Variants in LPP observed in about 807,000 individuals in gnomAD.
The protein encoded by LPP is LIM domain containing preferred translocation partner in lipoma.
A neutral mutation model predicts 60.4 loss-of-function variants in LPP; 38 were observed. The observed-to-expected ratio is 0.63, with a 90% CI of 0.49 to 0.83. The LOEUF (loss-of-function observed/expected upper bound fraction) is 0.83, where lower values mean the gene tolerates loss of function less well. LPP is among the 40% of genes least tolerant of loss of function. The pLI, the probability that LPP is intolerant of heterozygous loss-of-function variation, is 0.00. For synonymous variants in LPP, 328 were observed against 290.8 expected (o/e 1.13, Z -1.30); for missense variants, 902 against 783.6 (o/e 1.15, Z -1.80).
intron 4 of LPP, 36 bp downstream of exon 4, chr3:188,406,349 T>A (rs1474275062): frequency 6.3e-7 from 1 of 1,579,260 alleles, no homozygotes. Flanking sequence ...TTACTTGGAG[T>A]AGGAAAATTC....
chr3:188,355,699 A>G (rs1240372317), intron 3 of LPP, among the ~76,000 whole-genome samples: 1 of 152,240 alleles, frequency 6.6e-6, no homozygotes, highest in Non-Finnish European at 1.5e-5. Flanking sequence ...ATTTACAGTA[A>G]TGAATCAAAA....
intron 8 of LPP, among the ~76,000 whole-genome samples, chr3:188,736,231 TAAAAC>T (rs1318006592): frequency 6.6e-6 from 1 of 152,128 alleles, no homozygotes; most frequent in East Asian, 1.9e-4. Flanking sequence ...CAATAAATTT[TAAAAC>T]AAAAATTTTA....
intron 10 of LPP, among the ~76,000 whole-genome samples, chr3:188,871,023 G>A (rs1767967920): frequency 6.6e-6 from 1 of 152,076 alleles, no homozygotes; most frequent in African/African-American, 2.4e-5. Flanking sequence ...GAGACTCAGA[G>A]ATGGAGCAAA....
intron 5 of LPP, among the ~76,000 whole-genome samples, chr3:188,492,615 G>C (rs1046608363): frequency 1.3e-5 from 2 of 152,124 alleles, no homozygotes; most frequent in African/African-American, 4.8e-5. Flanking sequence ...AGAATTGCTT[G>C]AACCCAGTAG....
Position 188,301,491 on chromosome 3 carries a change from T to C in LPP, c.-66-40172T>C, listed in dbSNP as rs552020360. Among the ~76,000 whole-genome samples, 38 of 152,324 alleles carry C rather than the reference T, an allele frequency of 2.5e-4. 1 individual carries two copies. The highest frequency in any genetic ancestry group is 2.9e-5 in the Non-Finnish European group (2 of 68,030). ...GAGACTGTTATTTTAAGGAATGTTT[T>C]GCTAAGAATCAGTTGCCAGGACATA... On this transcript the variant is annotated intron_variant, in intron 2 of 11. Transcript: ENST00000617246.
intron 2 of LPP, among the ~76,000 whole-genome samples, chr3:188,309,209 T>A (rs753746179): frequency 1.3e-5 from 2 of 151,894 alleles, no homozygotes; most frequent in African/African-American, 4.8e-5. Context: ...TTAGCAGAGA[T>A]GGGGTTTCAC....
At chr3:188,374,982 T>C (rs1419895822) in intron 3 of LPP, among the ~76,000 whole-genome samples, 1 of 152,174 alleles carries the variant, frequency 6.6e-6, no homozygotes, top group East Asian at 1.9e-4. Flanking sequence ...TTTTTGTCTT[T>C]GGTTCTGTTT....
chr3:188,427,986 C>T (rs745792770), intron 4 of LPP, among the ~76,000 whole-genome samples: 30 of 152,210 alleles, frequency 2.0e-4, no homozygotes, highest in African/African-American at 6.5e-4. Flanking sequence ...GCAGCTAGCT[C>T]GGTGTCTGCC....
intron 2 of LPP, among the ~76,000 whole-genome samples, chr3:188,297,321 T>G (rs1451457869): frequency 2.0e-5 from 3 of 152,204 alleles, no homozygotes; most frequent in African/African-American, 7.2e-5. Flanking sequence ...CTTGTAAATT[T>G]CAGACTCCTT....
chr3:188,465,398 G>A (rs1243672833), intron 4 of LPP, among the ~76,000 whole-genome samples: 1 of 152,202 alleles, frequency 6.6e-6, no homozygotes, highest in African/African-American at 2.4e-5. Flanking sequence ...AAGGCTGTGT[G>A]AAGTGAATTG....
chr3:188,361,534 C>T (rs1769352991), intron 3 of LPP, among the ~76,000 whole-genome samples: 1 of 136,070 alleles, frequency 7.3e-6, no homozygotes. Flanking sequence ...CTCCTCTCCT[C>T]TCCTCTCCTC....
chr3:188,551,999 A>G (rs1265396347), intron 6 of LPP, among the ~76,000 whole-genome samples: 1 of 124,592 alleles, frequency 8.0e-6, no homozygotes, highest in East Asian at 1.1e-3. Context: ...AACATTAACA[A>G]CAACAAACAA....
chr3:188,410,044 A>G (rs1784536486), intron 4 of LPP, among the ~76,000 whole-genome samples: 1 of 152,120 alleles, frequency 6.6e-6, no homozygotes, highest in African/African-American at 2.4e-5. Flanking sequence ...GTTTTTTAAT[A>G]GATTTGCTTG....
chr3:188,444,179 A>C (rs1794684636), intron 4 of LPP, among the ~76,000 whole-genome samples: 1 of 152,174 alleles, frequency 6.6e-6, no homozygotes. Context: ...ACTTTAAACT[A>C]CAAGGATGAT....
At position 188,880,476 on chromosome 3, in the gene LPP, A is replaced by G. The variant is rs1347056225; in HGVS notation, c.*5997A>G. 1 of 189,546 alleles carries G rather than the reference A, an allele frequency of 5.3e-6. No individual in the cohort carries two copies. Among genetic ancestry groups the G allele is most frequent in the Non-Finnish European group, 1.1e-5 (1 of 90,276 alleles). The allele number at this position is 189,546 out of a possible 1,614,324, so 11.7% of individuals were successfully genotyped here. A position where few individuals can be genotyped will look rare whatever the true frequency, so the allele number is the denominator to read the frequency against. On this transcript the variant is annotated 3_prime_UTR_variant, in exon 12 of 12. Transcript: ENST00000617246. The stretch of plus-strand genomic sequence containing the variant: ...ATCTCTACATCTAGCCTTTGTTAAA[A>G]ATAAAAATTAATATTCTACAAACAC...
chr3:188,806,561 G>A (rs1431125991), intron 9 of LPP, among the ~76,000 whole-genome samples: 1 of 151,792 alleles, frequency 6.6e-6, no homozygotes, highest in East Asian at 1.9e-4. Context: ...TATTGATATA[G>A]TTGGATTGAA....
At chr3:188,463,004 G>C (rs1362844421) in intron 4 of LPP, among the ~76,000 whole-genome samples, 1 of 152,088 alleles carries the variant, frequency 6.6e-6, no homozygotes, top group Admixed American at 6.5e-5. Flanking sequence ...TTCTTGGGAG[G>C]CTGAGGCAGG....
At position 188,288,664 on chromosome 3, in the gene LPP, A is replaced by G. The variant is rs1399376069; in HGVS notation, c.-66-52999A>G. Reference sequence around the variant, plus strand: ...CACACCTATGCACACACATCTATGCATACATACATACTTTTTCTTTTCCTA... The same window carrying G: ...CACACCTATGCACACACATCTATGCGTACATACATACTTTTTCTTTTCCTA... On this transcript the variant is annotated intron_variant, in intron 2 of 11. Transcript: ENST00000617246. Among the ~76,000 whole-genome samples, 3 of 152,160 alleles carry G rather than the reference A, an allele frequency of 2.0e-5. No individual in the cohort carries two copies. In the South Asian group the frequency reaches 6.2e-4, roughly 32 times the overall value.
intron 9 of LPP, among the ~76,000 whole-genome samples, chr3:188,842,118 C>A (rs745895566): frequency 3.4e-4 from 52 of 152,150 alleles, no homozygotes; most frequent in Non-Finnish European, 6.0e-4. Flanking sequence ...AATTTACATT[C>A]CCACCACCAG....
Sources: gnomAD v4.1 joint callset for allele counts (sites outside exome capture counted in the v4.1 genomes callset) on GRCh38, gnomAD v4.1.1 for gene constraint, MANE v1.5 for transcripts, NCBI Gene and HGNC (gene_info 2026-07-23, HGNC 2026-07-21) for gene names.